Variants in CYFIP1 observed in about 807,000 individuals in gnomAD.
CYFIP1 encodes the protein cytoplasmic FMR1 interacting protein 1, also known as cytoplasmic FMR1-interacting protein 1.
A neutral mutation model predicts 163.5 loss-of-function variants in CYFIP1; 58 were observed. The ratio of observed to expected loss-of-function variants is 0.35; its 90% confidence interval spans 0.29 to 0.44. CYFIP1 has a LOEUF of 0.44. Ranked by LOEUF, CYFIP1 falls within the 20% of genes least tolerant of loss-of-function variation. The pLI is 1.00. For missense variants in CYFIP1, 1,338 were observed against 1,653.8 expected (o/e 0.81, Z 3.31); for synonymous variants, 663 against 660.7 (o/e 1.00, Z -0.05).
At chr15:22,918,560 C>T (rs2061073465) in intron 14 of CYFIP1, 132 bp downstream of exon 14, 2 of 811,910 alleles carry the variant, frequency 2.5e-6, no homozygotes, top group Non-Finnish European at 3.6e-6. Flanking sequence ...GGTAATTCAC[C>T]AAGAGGGCAT....
chr15:22,975,477 A>C (rs1362114388), intron 1 of CYFIP1, among the ~76,000 whole-genome samples: 1 of 144,146 alleles, frequency 6.9e-6, no homozygotes, highest in African/African-American at 2.6e-5. Context: ...GTTAAAGGCC[A>C]GGCTCGGTGG....
intron 12 of CYFIP1, among the ~76,000 whole-genome samples, chr15:22,927,310 T>C (rs936522968): frequency 2.6e-5 from 4 of 151,694 alleles, no homozygotes; most frequent in South Asian, 2.1e-4. Context: ...TGAAATACCA[T>C]CTCTACTAAA....
chr15:22,869,960 A>G lies in CYFIP1; in HGVS notation c.*68T>C, dbSNP rs2059377135. 2 of 1,426,176 alleles carry G rather than the reference A, an allele frequency of 1.4e-6. No homozygotes were observed. The highest frequency in any genetic ancestry group is 1.9e-6 in the Non-Finnish European group (2 of 1,080,094). 88.3% of individuals were successfully genotyped at this position (1,426,176 alleles called of 1,614,324 possible). ...AGAGATACTGAAAAATAGTCCCTAA[A>G]AATCTCACTAAATAGTTTACGGAGA... On this transcript the variant is annotated 3_prime_UTR_variant, in exon 31 of 31. Coordinates refer to ENST00000617928, the MANE Select transcript of CYFIP1 (RefSeq NM_014608.6).
intron 23 of CYFIP1, among the ~76,000 whole-genome samples, chr15:22,885,059 G>A (rs2059893919): frequency 1.3e-5 from 2 of 152,088 alleles, no homozygotes; most frequent in Admixed American, 6.5e-5. Context: ...AGGCCTCTGG[G>A]TTTATGATGG....
intron 1 of CYFIP1, among the ~76,000 whole-genome samples, chr15:22,955,177 C>A (rs563411375): frequency 5.9e-5 from 9 of 152,050 alleles, no homozygotes; most frequent in African/African-American, 2.2e-4. Flanking sequence ...ATGTCACTGG[C>A]TGCCCCTCAG....
intron 1 of CYFIP1, among the ~76,000 whole-genome samples, chr15:22,960,559 A>C (rs1382932479): frequency 6.6e-6 from 1 of 152,240 alleles, no homozygotes; most frequent in Non-Finnish European, 1.5e-5. Flanking sequence ...AAAGGTATCC[A>C]GGCCATTTAG....
intron 26 of CYFIP1, among the ~76,000 whole-genome samples, chr15:22,877,979 C>T (rs547627592): frequency 2.6e-5 from 4 of 152,232 alleles, no homozygotes; most frequent in Admixed American, 1.3e-4. Context: ...TCCCCAGAGG[C>T]CTGGCAGTCT....
At chr15:22,912,782 C>T (rs1335621739) in intron 17 of CYFIP1, among the ~76,000 whole-genome samples, 2 of 151,914 alleles carry the variant, frequency 1.3e-5, no homozygotes, top group Admixed American at 6.6e-5. Context: ...ACTATCTGGG[C>T]GTGGTGGCGC....
chr15:22,943,270 G>C lies in CYFIP1; in HGVS notation c.472C>G (p.Leu158Val). 6.2e-7 allele frequency: 1 copy of C among 1,614,220 alleles called. No homozygotes were observed. The highest frequency in any genetic ancestry group is 8.5e-7 in the Non-Finnish European group (1 of 1,180,022). ...TTGATGAATTTGCCCAGTGTGATCA[G>C]GTAGGCTTCTGACACGAAGTCCTTC... is the stretch of plus-strand genomic sequence containing the variant. ...RRKDFVSEAY[L>V]ITLGKFINMF... The change falls in exon 6 of 31, where the codon CTG becomes GTG. Residue 158 changes from leucine (L) to valine (V), a missense_variant. Physicochemically the swap from Leu to Val is conservative, Grantham distance 32. This residue lies in a region of CYFIP1 where 186 missense variants were observed against 288.3 expected (regional missense o/e 0.65). Coordinates refer to ENST00000617928, the MANE Select transcript of CYFIP1 (RefSeq NM_014608.6).
At chr15:22,948,687 C>G (rs1312969524) in intron 1 of CYFIP1, among the ~76,000 whole-genome samples, 2 of 151,880 alleles carry the variant, frequency 1.3e-5, no homozygotes, top group African/African-American at 4.8e-5. Context: ...ATGAAATGCT[C>G]TAACGATTGT....
chr15:22,958,613 T>G (rs764914218), intron 1 of CYFIP1, among the ~76,000 whole-genome samples: 4 of 152,172 alleles, frequency 2.6e-5, no homozygotes, highest in Non-Finnish European at 5.9e-5. Flanking sequence ...TCAGGCTGCC[T>G]CTGGGAGGGG....
chr15:22,951,411 G>T lies in CYFIP1; in HGVS notation c.-6-4120C>A, dbSNP rs190772561. On this transcript the variant is annotated intron_variant, in intron 1 of 30. Coordinates refer to ENST00000617928, the MANE Select transcript of CYFIP1 (RefSeq NM_014608.6). ...GGTGGGTGCAGGGTCCAGCCCCAGC[G>T]CTGCCTGCAGAGCCAGCATGGGGGG... 2.3e-6 allele frequency: 3 copies of T among 1,289,084 alleles called. No individual in the cohort carries two copies. The South Asian group carries it at 3.7e-5, about 16-fold the overall frequency. The allele number at this position is 1,289,084 out of a possible 1,614,324, so 79.9% of individuals were successfully genotyped here.
At chr15:22,933,086 G>T (rs1017356319) in intron 10 of CYFIP1, among the ~76,000 whole-genome samples, 1 of 151,822 alleles carries the variant, frequency 6.6e-6, no homozygotes, top group African/African-American at 2.4e-5. Flanking sequence ...CATCCACCTC[G>T]GCCTCCCAAA....
chr15:22,875,326 T>G (rs56391563), intron 26 of CYFIP1, 55 bp from the exon 27 acceptor site: 11 of 1,505,568 alleles, frequency 7.3e-6, no homozygotes, highest in Non-Finnish European at 8.3e-6. Context: ...CAGAGAGCAA[T>G]CTGGTGCTGA....
chr15:22,913,327 G>A (rs939202604), intron 17 of CYFIP1, among the ~76,000 whole-genome samples: 4 of 150,936 alleles, frequency 2.7e-5, no homozygotes, highest in Admixed American at 1.3e-4. Flanking sequence ...TCAGGAGTTC[G>A]AGACCAGCCT....
chr15:22,911,596 A>T (rs2060790607), intron 18 of CYFIP1, among the ~76,000 whole-genome samples: 2 of 152,164 alleles, frequency 1.3e-5, no homozygotes, highest in South Asian at 4.1e-4. Flanking sequence ...CTTCGTGGCA[A>T]GTGGGACCCA....
intron 27 of CYFIP1, 89 bp from the exon 28 acceptor site, chr15:22,874,733 T>G: frequency 1.2e-6 from 1 of 848,842 alleles, no homozygotes; most frequent in Non-Finnish European, 1.7e-6. Context: ...AAACAAAAGA[T>G]TTTTAAGTTA....
chr15:22,927,834 G>A, intron 12 of CYFIP1, 72 bp downstream of exon 12: 1 of 1,477,262 alleles, frequency 6.8e-7, no homozygotes, highest in Non-Finnish European at 9.0e-7. Context: ...AAAGCCCAAA[G>A]ACCAAAAGTT....
chr15:22,917,948 C>G lies in CYFIP1; in HGVS notation c.1527-13G>C. On this transcript the variant is annotated splice_polypyrimidine_tract_variant and intron_variant, in intron 14 of 30. Coordinates refer to ENST00000617928, the MANE Select transcript of CYFIP1 (RefSeq NM_014608.6). This position sits in a 1 kb window ranked among gnomAD's most constrained non-coding sequence, Gnocchi z 4.2. ...GGCCTGCAGGACACTGAACACCCCA[C>G]CAAGTGATCAGCAAGGCCCAGAGGC... 1 of 1,611,224 alleles carries G rather than the reference C, an allele frequency of 6.2e-7. No individual in the cohort carries two copies. Among genetic ancestry groups the G allele is most frequent in the Non-Finnish European group, 8.5e-7 (1 of 1,178,786 alleles).
Sources: allele counts gnomAD v4.1 joint callset (sites outside exome capture counted in the v4.1 genomes callset), GRCh38; gene constraint gnomAD v4.1.1; regional missense constraint gnomAD v4.1.1; non-coding constraint Gnocchi (gnomAD v3.1); transcripts MANE v1.5; gene names NCBI Gene and HGNC (gene_info 2026-07-23, HGNC 2026-07-21).